MPP4: variants seen among roughly 807,000 people sequenced by gnomAD.
The protein encoded by MPP4 is MAGUK p55 scaffold protein 4.
In MPP4, 91 loss-of-function variants were observed where a neutral mutation model predicts 98.3. The ratio of observed to expected loss-of-function variants is 0.93; its 90% CI spans 0.78 to 1.10. The LOEUF is 1.10. Among genes scored for constraint, MPP4 ranks in the 50% least tolerant of loss-of-function variants. The pLI is 0.00. For synonymous variants in MPP4, 261 were observed against 271.8 expected, an observed-to-expected ratio of 0.96 and a Z score of 0.39; for missense variants, 744 against 792.9, an observed-to-expected ratio of 0.94 and a Z score of 0.74.
intron 1 of MPP4, 35 bp downstream of exon 1, chr2:201,698,552 C>T: frequency 1.5e-6 from 2 of 1,300,424 alleles, no homozygotes; most frequent in South Asian, 2.5e-5. Flanking sequence ...GATACATCTT[C>T]TGGTAACTGA....
At chr2:201,679,920 T>C (rs1400702492) in intron 10 of MPP4, 3 of 152,266 alleles carry the variant, frequency 2.0e-5, no homozygotes, top group Non-Finnish European at 2.9e-5. Flanking sequence ...AGATCACTAA[T>C]GACTGTCATA....
chr2:201,675,198 A>G lies in MPP4; in HGVS notation c.994+9T>C, dbSNP rs980484417. On this transcript the variant is annotated intron_variant, in intron 11 of 21. Transcript: ENST00000409474. ...CAGGAAGAACCTGTCGGGCAGTTGCAATACTCACATAGGGTTGACTTGAGG... is the reference window on the plus strand; with the variant it reads ...CAGGAAGAACCTGTCGGGCAGTTGCGATACTCACATAGGGTTGACTTGAGG... 1.2e-6 allele frequency: 2 copies of G among 1,604,514 alleles called. No individual in the cohort carries two copies. Among genetic ancestry groups the G allele is most frequent in the African/African-American group, 2.7e-5 (2 of 74,804 alleles).
chr2:201,646,588 A>G (rs774630454), intron 21 of MPP4: 4 of 152,234 alleles, frequency 2.6e-5, no homozygotes, highest in East Asian at 3.8e-4. Context: ...TTAAATGCCC[A>G]TAAGACTCAG....
In MPP4 at chr2:201,647,882, G is replaced by T. The variant is rs950248153; in HGVS notation, c.1585-57C>A. On this transcript the variant is annotated intron_variant, in intron 20 of 21. Transcript: ENST00000409474. ...TTTGTTTGTTTTGTTTTGAGACATG[G>T]TCTTGCTCTGTCACCCAGGCTGGAG... 8.0e-6 allele frequency: 12 copies of T among 1,502,780 alleles called. No homozygotes were observed. The South Asian group carries it at 1.3e-4, about 17-fold the overall frequency. The allele number at this position is 1,502,780 out of a possible 1,614,324, so 93.1% of individuals were successfully genotyped here.
At chr2:201,666,519 G>A (rs1370202604) in intron 12 of MPP4, 147 bp from the exon 13 acceptor site, 8 of 547,038 alleles carry the variant, frequency 1.5e-5, no homozygotes, top group African/African-American at 2.0e-5. Flanking sequence ...TCAAGAGTTC[G>A]AGACCAACTT....
Position 201,645,353 on chromosome 2 carries a change from AC to A in MPP4, c.1770del (p.Gln590HisfsTer9). ...ATCACATGATCAAAAAATTGGCCAAACTGAGTTTCCATTCTTTGGGCTAAAT... is the reference window on the plus strand; with the variant it reads ...ATCACATGATCAAAAAATTGGCCAAATGAGTTTCCATTCTTTGGGCTAAAT... ...MENLAQRMETQFGQFFDHVIV... is the reference protein window; with the variant it reads ...MENLAQRMETXFGQFFDHVIV... On this transcript the variant is annotated frameshift_variant, in exon 22 of 22. Transcript: ENST00000409474. LOFTEE classifies it high-confidence loss of function. The A allele has an allele frequency of 1.2e-6, 2 of 1,613,960 alleles. No homozygotes were observed. The highest frequency in any genetic ancestry group is 1.7e-6 in the Non-Finnish European group (2 of 1,179,842).
intron 2 of MPP4, among the ~76,000 whole-genome samples, chr2:201,693,289 T>C (rs1279982434): frequency 1.3e-5 from 2 of 152,152 alleles, no homozygotes; most frequent in Non-Finnish European, 2.9e-5. Context: ...TAACACTGAG[T>C]AAAATAATAG....
intron 11 of MPP4, among the ~76,000 whole-genome samples, chr2:201,673,164 A>G (rs1184839068): frequency 6.6e-6 from 1 of 152,200 alleles, no homozygotes; most frequent in Non-Finnish European, 1.5e-5. Context: ...ATAAAATTCA[A>G]CACCCCCTCA....
chr2:201,680,117 T>G (rs1465645597), intron 10 of MPP4: 1 of 152,220 alleles, frequency 6.6e-6, no homozygotes, highest in African/African-American at 2.4e-5. Flanking sequence ...TTCTTTCTAT[T>G]TGCACGCCCT....
chr2:201,669,949 G>A (rs1270693126), intron 11 of MPP4, among the ~76,000 whole-genome samples, 199 bp from the exon 12 acceptor site: 1 of 152,212 alleles, frequency 6.6e-6, no homozygotes, highest in Non-Finnish European at 1.5e-5. Flanking sequence ...TGATACATTT[G>A]TGAGCCTTGT....
chr2:201,645,062 AT>A lies in MPP4; in HGVS notation c.*147del. ...GTAACCACATAACCATACAATAAAAATTTTTTTCAAATAAGATTAATTAATA... is the reference window on the plus strand; with the variant it reads ...GTAACCACATAACCATACAATAAAAATTTTTTCAAATAAGATTAATTAATA... On this transcript the variant is annotated 3_prime_UTR_variant, in exon 22 of 22. Coordinates refer to ENST00000409474, the MANE Select transcript of MPP4 (RefSeq NM_033066.3). 2.9e-6 allele frequency: 2 copies of A among 685,876 alleles called. No homozygotes were observed. Among genetic ancestry groups the A allele is most frequent in the East Asian group, 3.2e-5 (1 of 31,442 alleles). 42.5% of individuals were successfully genotyped at this position (685,876 alleles called of 1,614,324 possible).
At chr2:201,651,346 A>G in intron 18 of MPP4, 4 of 985,402 alleles carry the variant, frequency 4.1e-6, no homozygotes, top group African/African-American at 3.5e-5. Context: ...CTACAGTTAC[A>G]TCACATCTCC....
chr2:201,654,709 G>T, intron 18 of MPP4, 128 bp downstream of exon 18: 1 of 518,044 alleles, frequency 1.9e-6, no homozygotes, highest in Non-Finnish European at 3.1e-6. Context: ...AATATGGTTA[G>T]AAATACTTAA....
rs752647559 is a variant in MPP4 at position 201,690,218 on chromosome 2, T to C, written c.263A>G (p.Gln88Arg). ...TCTCCTTACCTCATAGGATAACACC[T>C]GTGCATGTGGTGTGGCAGGAACTAG... The part of the protein sequence containing the change: ...KKLVPATPHA[Q>R]VLSYEVVELL... Residue 88 changes from glutamine (Q) to arginine (R), a missense_variant, in exon 4 of 22, where the codon CAG (glutamine) becomes CGG (arginine). Transcript: ENST00000409474. 1.9e-6 allele frequency: 3 copies of C among 1,608,408 alleles called. No individual in the cohort carries two copies. In the South Asian group the frequency reaches 3.4e-5, roughly 18 times the overall value.
At position 201,687,093 on chromosome 2, in the gene MPP4, G is replaced by A. The variant is rs531570534; in HGVS notation, c.360+198C>T. 2.6e-5 allele frequency among the ~76,000 whole-genome samples: 4 copies of A among 152,284 alleles called. No homozygotes were observed. In the South Asian group the frequency reaches 6.2e-4, roughly 24 times the overall value. On this transcript the variant is annotated intron_variant, in intron 5 of 21. Coordinates refer to ENST00000409474, the MANE Select transcript of MPP4 (RefSeq NM_033066.3). ...TGGATGCCTCCTCATAAACACAGCA[G>A]GCTTGACTGCATGATTGACAACACT...
At chr2:201,693,120 A>C in intron 2 of MPP4, 91 bp from the exon 3 acceptor site, 2 of 1,430,308 alleles carry the variant, frequency 1.4e-6, no homozygotes, top group Non-Finnish European at 1.9e-6. Context: ...ATGGGGTCTC[A>C]CCAGGAGTGG....
At position 201,697,965 on chromosome 2, in the gene MPP4, AG is replaced by A. The variant is rs1335138916; in HGVS notation, c.-101+621del. 1.2e-5 allele frequency: 12 copies of A among 985,324 alleles called. No homozygotes were observed. The Admixed American group carries it at 5.5e-4, about 45-fold the overall frequency. The allele number at this position is 985,324 out of a possible 1,614,324, so 61.0% of individuals were successfully genotyped here. On this transcript the variant is annotated intron_variant, in intron 1 of 21. Transcript: ENST00000409474. ...CCATGACTTCTGTACCAAATTTGTC[AG>A]TTGAAGCTTATCTATTTCTGCTATC...
chr2:201,658,359 G>T, intron 16 of MPP4, 118 bp downstream of exon 16: 1 of 769,234 alleles, frequency 1.3e-6, no homozygotes. Context: ...AAGGAAACTA[G>T]AATGAGGAAC....
chr2:201,694,402 C>T (rs563701975), intron 1 of MPP4, among the ~76,000 whole-genome samples: 2 of 152,180 alleles, frequency 1.3e-5, no homozygotes, highest in East Asian at 1.9e-4. Flanking sequence ...ACTCAGGTGC[C>T]CCATTTCCTC....
Sources: gnomAD v4.1 joint callset for allele counts (sites outside exome capture counted in the v4.1 genomes callset) on GRCh38, gnomAD v4.1.1 for gene constraint, MANE v1.5 for transcripts, NCBI Gene and HGNC (gene_info 2026-07-23, HGNC 2026-07-21) for gene names.